FAM110B: variants seen among roughly 807,000 people sequenced by gnomAD.
FAM110B encodes protein FAM110B.
Under a neutral mutation model 20.4 loss-of-function variants are expected in FAM110B, and 6 were observed. That is an observed-to-expected ratio of 0.29 (90% CI 0.16 to 0.58). The LOEUF is 0.58. Ranked by LOEUF, FAM110B falls within the 20% of genes least tolerant of loss-of-function variation. FAM110B has a pLI of 0.90. For missense variants in FAM110B, 434 were observed against 498.2 expected (o/e 0.87, Z 1.23); for synonymous variants, 226 against 214.1 (o/e 1.06, Z -0.49).
At chr8:58,088,332 C>G (rs1462072500) in intron 3 of FAM110B, among the ~76,000 whole-genome samples, 3 of 152,164 alleles carry the variant, frequency 2.0e-5, no homozygotes, top group Admixed American at 6.5e-5. Flanking sequence ...CATTATTTTA[C>G]TGACTTGATG....
At chr8:58,119,868 G>A (rs963463709) in intron 3 of FAM110B, among the ~76,000 whole-genome samples, 4 of 152,144 alleles carry the variant, frequency 2.6e-5, no homozygotes, top group African/African-American at 7.2e-5. Context: ...CAACAATCTG[G>A]TAAGGTTGGT....
At chr8:58,093,736 T>A (rs187149819) in intron 3 of FAM110B, among the ~76,000 whole-genome samples, 86 of 152,332 alleles carry the variant, frequency 5.6e-4, no homozygotes, top group Non-Finnish European at 1.1e-3. Flanking sequence ...TGCGGGCTCT[T>A]TTTTGGTTCC....
intron 3 of FAM110B, among the ~76,000 whole-genome samples, chr8:58,141,396 A>G (rs1365503658): frequency 6.6e-6 from 1 of 152,210 alleles, no homozygotes; most frequent in East Asian, 1.9e-4. Flanking sequence ...CACCAGATTG[A>G]ACACATTTGT....
At chr8:58,001,804 C>T (rs537710906) in intron 1 of FAM110B, among the ~76,000 whole-genome samples, 11 of 152,186 alleles carry the variant, frequency 7.2e-5, no homozygotes, top group African/African-American at 2.6e-4. Flanking sequence ...ATTAATTATT[C>T]ACATATACCT....
At chr8:58,067,651 T>G (rs1805801170) in intron 2 of FAM110B, among the ~76,000 whole-genome samples, 2 of 152,238 alleles carry the variant, frequency 1.3e-5, no homozygotes, top group Non-Finnish European at 1.5e-5. Context: ...TATTTGTTAA[T>G]CACTTAATGA....
intron 1 of FAM110B, among the ~76,000 whole-genome samples, chr8:58,025,000 C>T (rs1007673933): frequency 5.9e-5 from 9 of 152,164 alleles, no homozygotes; most frequent in African/African-American, 7.2e-5. Context: ...GCATAACCCA[C>T]GTTGATACAC....
At chr8:58,012,067 C>G (rs1804548278) in intron 1 of FAM110B, among the ~76,000 whole-genome samples, 1 of 152,118 alleles carries the variant, frequency 6.6e-6, no homozygotes, top group South Asian at 2.1e-4. Flanking sequence ...CTTTACACAC[C>G]TTTAACAACA....
intron 3 of FAM110B, among the ~76,000 whole-genome samples, chr8:58,130,962 CT>C (rs1361432910): frequency 1.3e-5 from 2 of 152,182 alleles, no homozygotes; most frequent in Non-Finnish European, 2.9e-5. Flanking sequence ...GTATCACTGT[CT>C]TCCTTTTCAT....
intron 2 of FAM110B, 113 bp from the exon 3 acceptor site, chr8:58,075,422 A>G (rs1264818922): frequency 6.6e-6 from 1 of 151,996 alleles, no homozygotes; most frequent in Non-Finnish European, 1.5e-5. Context: ...CCCAGCCTGT[A>G]TTGACTAATT....
At chr8:58,138,193 T>C (rs1803664306) in intron 3 of FAM110B, among the ~76,000 whole-genome samples, 2 of 152,244 alleles carry the variant, frequency 1.3e-5, no homozygotes, top group Non-Finnish European at 2.9e-5. Context: ...GAGCTGGTTC[T>C]CTCTGGGAGC....
At chr8:58,060,550 A>G (rs776846293) in intron 2 of FAM110B, among the ~76,000 whole-genome samples, 2 of 152,040 alleles carry the variant, frequency 1.3e-5, no homozygotes, top group Non-Finnish European at 2.9e-5. Flanking sequence ...CTTTCGTATT[A>G]TTTTTCTTGG....
chr8:58,035,836 G>A (rs1247150267), intron 2 of FAM110B, among the ~76,000 whole-genome samples: 1 of 152,146 alleles, frequency 6.6e-6, no homozygotes, highest in Non-Finnish European at 1.5e-5. Context: ...GGATGCCGAT[G>A]GGCTGGAGTC....
intron 3 of FAM110B, among the ~76,000 whole-genome samples, chr8:58,114,670 A>G (rs1303491584): frequency 6.6e-6 from 1 of 152,260 alleles, no homozygotes; most frequent in East Asian, 1.9e-4. Flanking sequence ...AGCTGAAGGT[A>G]CAAGGGTTGA....
At chr8:58,104,719 A>G (rs888716359) in intron 3 of FAM110B, among the ~76,000 whole-genome samples, 19 of 152,166 alleles carry the variant, frequency 1.2e-4, no homozygotes, top group Admixed American at 4.6e-4. Flanking sequence ...GTGTTTTTAT[A>G]TATGAATACA....
At chr8:58,064,265 C>A (rs1805716622) in intron 2 of FAM110B, among the ~76,000 whole-genome samples, 1 of 152,110 alleles carries the variant, frequency 6.6e-6, no homozygotes. Flanking sequence ...CAAAAGGATA[C>A]CATGGTAAAC....
chr8:58,145,942 A>G lies in FAM110B; in HGVS notation c.-289A>G. On this transcript the variant is annotated 5_prime_UTR_variant, in exon 4 of 4. Coordinates refer to ENST00000519262, the MANE Select transcript of FAM110B (RefSeq NM_001377989.1). The stretch of plus-strand genomic sequence containing the variant: ...AGTTGAACACAAAGACCTGGAGGAG[A>G]CTCCCACCTCCTTCAGGGAGAAGAA... 3.1e-6 allele frequency: 1 copy of G among 327,146 alleles called. No individual in the cohort carries two copies. Among genetic ancestry groups the G allele is most frequent in the African/African-American group, 2.1e-5 (1 of 47,102 alleles). The allele number at this position is 327,146 out of a possible 1,614,324, so 20.3% of individuals were successfully genotyped here. A position where few individuals can be genotyped will look rare whatever the true frequency, so the allele number is the denominator to read the frequency against.
chr8:58,055,733 G>C (rs548981629), intron 2 of FAM110B, among the ~76,000 whole-genome samples: 15 of 152,282 alleles, frequency 9.9e-5, no homozygotes, highest in African/African-American at 3.6e-4. Context: ...ACTTTCTTTA[G>C]CCATCCGGAG....
At chr8:58,075,267 T>TG (rs1554521043) in intron 2 of FAM110B, among the ~76,000 whole-genome samples, 1 of 134,244 alleles carries the variant, frequency 7.4e-6, no homozygotes, top group South Asian at 2.2e-4. Flanking sequence ...TTTTGCTTTT[T>TG]TTTTTTTTTG....
At chr8:58,141,553 C>T (rs1292478002) in intron 3 of FAM110B, among the ~76,000 whole-genome samples, 1 of 152,162 alleles carries the variant, frequency 6.6e-6, no homozygotes, top group Non-Finnish European at 1.5e-5. Context: ...TGGGTGAATC[C>T]AGGTTGTGTT....
Sources: gnomAD v4.1 joint callset for allele counts (sites outside exome capture counted in the v4.1 genomes callset) on GRCh38, gnomAD v4.1.1 for gene constraint, MANE v1.5 for transcripts, NCBI Gene and HGNC (gene_info 2026-07-23, HGNC 2026-07-21) for gene names.